Variants in ST6GALNAC3 observed in about 807,000 individuals in gnomAD.
ST6GALNAC3 encodes alpha-N-acetylgalactosaminide alpha-2,6-sialyltransferase 3.
In ST6GALNAC3, 25 loss-of-function variants were observed where a neutral mutation model predicts 32.7. That is an observed-to-expected ratio of 0.76 (90% CI 0.56 to 1.07). The LOEUF (loss-of-function observed/expected upper bound fraction) is 1.07, where lower values mean the gene tolerates loss of function less well. Among genes scored for constraint, ST6GALNAC3 ranks in the 50% least tolerant of loss-of-function variants. ST6GALNAC3 has a pLI of 0.00. For synonymous variants in ST6GALNAC3, 129 were observed against 133.1 expected (o/e 0.97, Z 0.21); for missense variants, 355 against 382.4 (o/e 0.93, Z 0.60).
chr1:76,419,665 G>A (rs1417999927), intron 3 of ST6GALNAC3, among the ~76,000 whole-genome samples: 1 of 151,930 alleles, frequency 6.6e-6, no homozygotes, highest in Non-Finnish European at 1.5e-5. Context: ...ATTCTTGGAT[G>A]CTTGACTCTT....
chr1:76,155,660 G>C (rs1355655741), intron 1 of ST6GALNAC3, among the ~76,000 whole-genome samples: 1 of 150,610 alleles, frequency 6.6e-6, no homozygotes, highest in Non-Finnish European at 1.5e-5. Flanking sequence ...AATATTTTTA[G>C]TAGAGACAGG....
At chr1:76,301,570 CCTA>C (rs1327331800) in intron 1 of ST6GALNAC3, among the ~76,000 whole-genome samples, 2 of 151,922 alleles carry the variant, frequency 1.3e-5, no homozygotes, top group African/African-American at 4.8e-5. Context: ...GGAAAACTGT[CCTA>C]CTTAGAAATT....
chr1:76,569,000 G>A (rs1015317351), intron 3 of ST6GALNAC3, among the ~76,000 whole-genome samples: 11 of 152,076 alleles, frequency 7.2e-5, no homozygotes, highest in Admixed American at 5.2e-4. Flanking sequence ...AGCATCCCAG[G>A]CATACCGAAT....
At chr1:76,340,735 TC>T (rs1279240244) in intron 2 of ST6GALNAC3, among the ~76,000 whole-genome samples, 7 of 151,876 alleles carry the variant, frequency 4.6e-5, no homozygotes, top group Non-Finnish European at 4.4e-5. Flanking sequence ...GAGTAGGACT[TC>T]CCCTGGAAGC....
intron 1 of ST6GALNAC3, among the ~76,000 whole-genome samples, chr1:76,101,928 A>G (rs1356845447): frequency 6.6e-6 from 1 of 152,104 alleles, no homozygotes; most frequent in Non-Finnish European, 1.5e-5. Flanking sequence ...CGTGTTTGCT[A>G]TGTGCTTGAA....
chr1:76,177,235 T>C (rs868027594), intron 1 of ST6GALNAC3, among the ~76,000 whole-genome samples: 2 of 152,082 alleles, frequency 1.3e-5, no homozygotes. Context: ...TTAAATGAAA[T>C]TGTGCATTTA....
At chr1:76,177,139 C>T (rs2100445776) in intron 1 of ST6GALNAC3, among the ~76,000 whole-genome samples, 1 of 152,084 alleles carries the variant, frequency 6.6e-6, no homozygotes, top group East Asian at 1.9e-4. Context: ...TATTTTACTA[C>T]AATTTTTTTT....
intron 1 of ST6GALNAC3, among the ~76,000 whole-genome samples, chr1:76,114,370 G>T (rs1423508780): frequency 2.0e-5 from 3 of 152,098 alleles, no homozygotes; most frequent in African/African-American, 7.2e-5. Flanking sequence ...AATGTAGTTG[G>T]TTATCAGTTT....
Position 76,398,426 on chromosome 1 carries a change from T to C in ST6GALNAC3, c.214-13582T>C, listed in dbSNP as rs189599941. On this transcript the variant is annotated intron_variant, in intron 2 of 4. Transcript: ENST00000328299. ...GTAGGGTACTGTTAATTGTGATGTT[T>C]GGGGTTTTTGGTTTCAAAATGATGT... is the stretch of plus-strand genomic sequence containing the variant. 3.3e-4 allele frequency among the ~76,000 whole-genome samples: 50 copies of C among 152,268 alleles called. No homozygotes were observed. The East Asian group carries it at 7.7e-3, about 23-fold the overall frequency.
chr1:76,383,274 T>G (rs1651852871), intron 2 of ST6GALNAC3, among the ~76,000 whole-genome samples: 2 of 152,102 alleles, frequency 1.3e-5, no homozygotes, highest in Non-Finnish European at 2.9e-5. Flanking sequence ...TTTATTTATT[T>G]TTTTTAAAGT....
At chr1:76,574,611 G>A (rs901387625) in intron 3 of ST6GALNAC3, among the ~76,000 whole-genome samples, 2 of 151,984 alleles carry the variant, frequency 1.3e-5, no homozygotes, top group African/African-American at 4.8e-5. Context: ...AAATTCAAGG[G>A]CCCATAGTTT....
chr1:76,109,156 G>A (rs1405417506), intron 1 of ST6GALNAC3, among the ~76,000 whole-genome samples: 1 of 152,112 alleles, frequency 6.6e-6, no homozygotes, highest in Non-Finnish European at 1.5e-5. Context: ...TTGCTGTTAT[G>A]GTTTATGTCG....
intron 1 of ST6GALNAC3, among the ~76,000 whole-genome samples, chr1:76,137,699 T>TA (rs35260098): frequency 0.19 from 28,803 of 152,180 alleles, 2,904 homozygotes; most frequent in African/African-American, 0.25. Flanking sequence ...GCAAGGGAGC[T>TA]AGTTTGTATG....
chr1:76,341,621 C>CTTTT (rs1553181641), intron 2 of ST6GALNAC3, among the ~76,000 whole-genome samples: 3 of 119,712 alleles, frequency 2.5e-5, no homozygotes, highest in African/African-American at 1.1e-4. Context: ...TTCTTTCTTT[C>CTTTT]TTTCTTTCTT....
chr1:76,372,078 A>C (rs1057325993), intron 2 of ST6GALNAC3, among the ~76,000 whole-genome samples: 1 of 152,140 alleles, frequency 6.6e-6, no homozygotes, highest in African/African-American at 2.4e-5. Context: ...TTATCTGGGG[A>C]GAACACACAC....
chr1:76,535,102 A>T (rs1427856034), intron 3 of ST6GALNAC3, among the ~76,000 whole-genome samples: 1 of 152,180 alleles, frequency 6.6e-6, no homozygotes, highest in Admixed American at 6.5e-5. Context: ...GCAGTAGGGC[A>T]TGGGATACAC....
intron 3 of ST6GALNAC3, among the ~76,000 whole-genome samples, chr1:76,580,603 G>A (rs141496016): frequency 0.011 from 1,735 of 152,222 alleles, 36 homozygotes; most frequent in African/African-American, 0.039. Context: ...CTTAGCCCCA[G>A]GTAGCAAATT....
At chr1:76,207,819 T>C (rs1654905481) in intron 1 of ST6GALNAC3, among the ~76,000 whole-genome samples, 2 of 152,278 alleles carry the variant, frequency 1.3e-5, no homozygotes, top group Admixed American at 6.5e-5. Flanking sequence ...GTTAAATTTA[T>C]CTTCTCTTCA....
At chr1:76,407,187 T>C (rs1280284171) in intron 2 of ST6GALNAC3, among the ~76,000 whole-genome samples, 3 of 152,088 alleles carry the variant, frequency 2.0e-5, no homozygotes, top group African/African-American at 7.2e-5. Context: ...ACGAATTGAC[T>C]CTAGTTGATC....
Sources: allele counts gnomAD v4.1 joint callset (sites outside exome capture counted in the v4.1 genomes callset), GRCh38; gene constraint gnomAD v4.1.1; transcripts MANE v1.5; gene names NCBI Gene and HGNC (gene_info 2026-07-23, HGNC 2026-07-21).